The following DNAJC2 variants were observed in gnomAD, a reference collection of about 807,000 sequenced individuals.
DNAJC2 encodes the protein dnaJ homolog subfamily C member 2.
Under a neutral mutation model 94.0 loss-of-function variants are expected in DNAJC2, and 32 were observed. The ratio of observed to expected loss-of-function variants is 0.34; its 90% CI spans 0.26 to 0.46. The LOEUF is 0.46. Among genes scored for constraint, DNAJC2 ranks in the 20% least tolerant of loss-of-function variants. The pLI is 1.00. For synonymous variants in DNAJC2, 210 were observed against 229.7 expected, an observed-to-expected ratio of 0.91 and a Z score of 0.77; for missense variants, 550 against 719.5, an observed-to-expected ratio of 0.76 and a Z score of 2.69.
chr7:103,331,942 C>T (rs992925435), intron 3 of DNAJC2, among the ~76,000 whole-genome samples: 1 of 151,878 alleles, frequency 6.6e-6, no homozygotes, highest in Non-Finnish European at 1.5e-5. Flanking sequence ...CTAATTTGCA[C>T]AGTGGCTATG....
intron 3 of DNAJC2, chr7:103,329,548 T>G (rs186589015): frequency 2.0e-5 from 3 of 152,368 alleles, no homozygotes; most frequent in Admixed American, 1.3e-4. Flanking sequence ...CTAGTTTCAT[T>G]AACATTTCCT....
intron 4 of DNAJC2, among the ~76,000 whole-genome samples, chr7:103,327,076 A>G (rs1446605767): frequency 6.6e-6 from 1 of 152,198 alleles, no homozygotes; most frequent in East Asian, 1.9e-4. Context: ...TGTGCATACA[A>G]CTGTTCAAAA....
At chr7:103,315,922 A>C (rs1179891849) in intron 14 of DNAJC2, 51 bp from the exon 15 acceptor site, 6 of 1,548,722 alleles carry the variant, frequency 3.9e-6, no homozygotes, top group Non-Finnish European at 5.3e-6. Flanking sequence ...TTAATCTTTC[A>C]TTAAATTGCA....
In DNAJC2 at chr7:103,321,985, T is replaced by C. The variant is rs759061813; in HGVS notation, c.1030A>G (p.Ile344Val). ...TCCTTCTTAATGGCTTTTTTCTGGA[T>C]ATCTTTTTCCTTCTTTGCCAGCAAT... ...QALLAKKEKD[I>V]QKKAIKKERQ... The change falls in exon 10 of 17, where the codon ATC (isoleucine) becomes GTC (valine). Residue 344 changes from isoleucine (I) to valine (V), a missense_variant. Ile to Val is a conservative substitution (Grantham distance 29, BLOSUM62 3). This residue lies in a region of DNAJC2 where 279 missense variants were observed against 416.9 expected (regional missense o/e 0.67). Transcript: ENST00000379263. The C allele has an allele frequency of 6.2e-7, 1 of 1,614,134 alleles. No individual in the cohort carries two copies. Among genetic ancestry groups the C allele is most frequent in the Non-Finnish European group, 8.5e-7 (1 of 1,179,976 alleles).
intron 3 of DNAJC2, 94 bp from the exon 4 acceptor site, chr7:103,327,848 A>G (rs1397480892): frequency 1.4e-6 from 1 of 696,232 alleles, no homozygotes; most frequent in Non-Finnish European, 2.4e-6. Context: ...CATAAGGCTA[A>G]TATTAGAATC....
chr7:103,323,583 G>C lies in DNAJC2; in HGVS notation c.719+15C>G. On this transcript the variant is annotated intron_variant, in intron 7 of 16. Transcript: ENST00000379263. ...CAAATAAATACCTTCCATTATTAAT[G>C]ATTTGCATACATACCATTCTGCTTT... The C allele has an allele frequency of 1.4e-6, 2 of 1,447,632 alleles. No individual in the cohort carries two copies. The highest frequency in any genetic ancestry group is 2.9e-5 in the African/African-American group (2 of 69,852). 89.7% of individuals were successfully genotyped at this position (1,447,632 alleles called of 1,614,324 possible).
intron 3 of DNAJC2, among the ~76,000 whole-genome samples, chr7:103,331,493 T>G (rs1396006484): frequency 6.6e-6 from 1 of 152,156 alleles, no homozygotes; most frequent in Non-Finnish European, 1.5e-5. Context: ...TTGACCAACC[T>G]CTCTTTATCC....
chr7:103,321,505 G>A (rs954188220), intron 10 of DNAJC2, among the ~76,000 whole-genome samples: 8 of 151,762 alleles, frequency 5.3e-5, no homozygotes, highest in Non-Finnish European at 7.4e-5. Context: ...GTGACAGTGC[G>A]AGACTCCATC....
chr7:103,326,023 T>C (rs1183142159), intron 5 of DNAJC2, among the ~76,000 whole-genome samples: 1 of 152,084 alleles, frequency 6.6e-6, no homozygotes, highest in African/African-American at 2.4e-5. Context: ...AGATGGAGTC[T>C]TGCTCAGTGT....
At chr7:103,339,677 C>G (rs1222015058) in intron 2 of DNAJC2, among the ~76,000 whole-genome samples, 1 of 151,820 alleles carries the variant, frequency 6.6e-6, no homozygotes, top group Non-Finnish European at 1.5e-5. Flanking sequence ...TCTCAGCTTA[C>G]CGCAATCTCC....
At chr7:103,314,859 C>T (rs1817959372) in intron 15 of DNAJC2, among the ~76,000 whole-genome samples, 1 of 152,090 alleles carries the variant, frequency 6.6e-6, no homozygotes, top group South Asian at 2.1e-4. Flanking sequence ...TCTATTAATC[C>T]AAAAGCATCT....
chr7:103,323,611 CT>C lies in DNAJC2; in HGVS notation c.705del (p.Glu236LysfsTer28). 1 of 1,466,818 alleles carries C rather than the reference CT, an allele frequency of 6.8e-7. No homozygotes were observed. The highest frequency in any genetic ancestry group is 9.3e-7 in the Non-Finnish European group (1 of 1,080,634). 90.9% of individuals were successfully genotyped at this position (1,466,818 alleles called of 1,614,324 possible). A position where few individuals can be genotyped will look rare whatever the true frequency, so the allele number is the denominator to read the frequency against. ...TTGCATACATACCATTCTGCTTTTTCTTTTTCTTCTTCATCTAAATAAGAAA... is the reference window on the plus strand; with the variant it reads ...TTGCATACATACCATTCTGCTTTTTCTTTTCTTCTTCATCTAAATAAGAAA... ...REFSYLDEEEKEKAECRDERR... is the reference protein window; with the variant it reads ...REFSYLDEEEXEKAECRDERR... On this transcript the variant is annotated frameshift_variant, in exon 7 of 17. Coordinates refer to ENST00000379263, the MANE Select transcript of DNAJC2 (RefSeq NM_014377.3). LOFTEE classifies it high-confidence loss of function.
At chr7:103,320,196 C>A (rs1223023984) in intron 10 of DNAJC2, among the ~76,000 whole-genome samples, 2 of 152,068 alleles carry the variant, frequency 1.3e-5, no homozygotes, top group African/African-American at 4.8e-5. Flanking sequence ...TCAAGCTATT[C>A]TTCTGCCTCA....
chr7:103,333,950 C>CTTTTT (rs1563471240), intron 3 of DNAJC2, among the ~76,000 whole-genome samples: 2 of 148,754 alleles, frequency 1.3e-5, no homozygotes, highest in Non-Finnish European at 3.0e-5. Flanking sequence ...CTGTTGTGAA[C>CTTTTT]ATTTTTTTTT....
intron 1 of DNAJC2, 110 bp downstream of exon 1, chr7:103,344,449 C>T: frequency 7.9e-7 from 1 of 1,268,304 alleles, no homozygotes; most frequent in Non-Finnish European, 1.1e-6. Context: ...CATACGGCCC[C>T]GGGGCTAGTC....
intron 12 of DNAJC2, among the ~76,000 whole-genome samples, chr7:103,318,170 T>G (rs79934355): frequency 2.6e-5 from 4 of 151,246 alleles, no homozygotes; most frequent in African/African-American, 9.7e-5. Context: ...ATTTTTTTTT[T>G]GTCTGTTTTT....
chr7:103,339,548 T>G (rs1380923039), intron 2 of DNAJC2, among the ~76,000 whole-genome samples: 1 of 152,230 alleles, frequency 6.6e-6, no homozygotes, highest in Non-Finnish European at 1.5e-5. Context: ...CCCGATCATT[T>G]TACTCAAACT....
chr7:103,328,782 C>T (rs988990872), intron 3 of DNAJC2: 2 of 276,334 alleles, frequency 7.2e-6, no homozygotes, highest in South Asian at 3.4e-5. Flanking sequence ...CTGCTTAATA[C>T]AGTATTTCAA....
intron 12 of DNAJC2, 139 bp downstream of exon 12, chr7:103,319,470 C>G: frequency 2.2e-6 from 2 of 899,008 alleles, no homozygotes; most frequent in Admixed American, 5.4e-5. Flanking sequence ...ACACATAAAA[C>G]AACAACAACA....
Sources: allele counts gnomAD v4.1 joint callset (sites outside exome capture counted in the v4.1 genomes callset), GRCh38; gene constraint gnomAD v4.1.1; regional missense constraint gnomAD v4.1.1; transcripts MANE v1.5; gene names NCBI Gene and HGNC (gene_info 2026-07-23, HGNC 2026-07-21).